The following IL4R variants were observed in gnomAD, a reference collection of about 807,000 sequenced individuals.
IL4R encodes the protein interleukin 4 receptor, also known as interleukin-4 receptor subunit alpha.
Under a neutral mutation model 41.5 loss-of-function variants are expected in IL4R, and 17 were observed. The ratio of observed to expected loss-of-function variants is 0.41; its 90% CI spans 0.28 to 0.61. The LOEUF is 0.61. IL4R is among the 20% of genes least tolerant of loss of function. IL4R has a pLI of 0.31. For missense variants in IL4R, 974 were observed against 1,043.1 expected (o/e 0.93, Z 0.91); for synonymous variants, 402 against 422.9 (o/e 0.95, Z 0.61).
chr16:27,352,912 G>A (rs3024612), intron 7 of IL4R, among the ~76,000 whole-genome samples: 129,017 of 152,162 alleles, frequency 0.85, 56,378 homozygotes, highest in Non-Finnish European at 0.95. Context: ...TTAACACTAT[G>A]GGAATATATT....
chr16:27,360,910 C>T, intron 10 of IL4R, 95 bp downstream of exon 10: 1 of 1,609,542 alleles, frequency 6.2e-7, no homozygotes, highest in Non-Finnish European at 8.5e-7. Flanking sequence ...CTTCTCTTCC[C>T]TGCATTCGGT....
chr16:27,327,184 T>A (rs2084979173), intron 1 of IL4R, among the ~76,000 whole-genome samples: 1 of 152,110 alleles, frequency 6.6e-6, no homozygotes, highest in Non-Finnish European at 1.5e-5. Flanking sequence ...CCTCTCCACA[T>A]GCCACCTGTC....
chr16:27,315,926 ATAACC>A (rs1466877876), intron 1 of IL4R, among the ~76,000 whole-genome samples: 1 of 152,200 alleles, frequency 6.6e-6, no homozygotes, highest in Admixed American at 6.5e-5. Flanking sequence ...CAGGTCCGAG[ATAACC>A]TAAGGGTTTC....
chr16:27,337,489 G>C (rs576214105), intron 2 of IL4R, among the ~76,000 whole-genome samples: 2 of 152,246 alleles, frequency 1.3e-5, no homozygotes, highest in East Asian at 3.8e-4. Context: ...TCCCAGGAGA[G>C]AGACCCAAGC....
At position 27,362,828 on chromosome 16, in the gene IL4R, A is replaced by G. The variant is rs745362323; in HGVS notation, c.1476A>G (p.Ala492=). The change falls in exon 11 of 11, where the codon GCA becomes GCG. Residue 492 remains alanine, a synonymous_variant. Coordinates refer to ENST00000395762, the MANE Select transcript of IL4R (RefSeq NM_000418.4). The part of the protein sequence containing the change: ...LTCTETPLVI[A]GNPAYRSFSN... The stretch of plus-strand genomic sequence containing the variant: ...GCACAGAGACGCCCCTCGTCATCGC[A>G]GGCAACCCTGCTTACCGCAGCTTCA... The G allele has an allele frequency of 6.2e-6, 10 of 1,614,112 alleles. No individual in the cohort carries two copies. Among genetic ancestry groups the G allele is most frequent in the Non-Finnish European group, 8.5e-6 (10 of 1,180,002 alleles).
intron 1 of IL4R, among the ~76,000 whole-genome samples, chr16:27,327,157 C>T (rs971426509): frequency 2.6e-5 from 4 of 152,126 alleles, no homozygotes; most frequent in Non-Finnish European, 4.4e-5. Flanking sequence ...ACCCGAGGCC[C>T]CTGCTGTCCC....
chr16:27,326,239 T>TG (rs2084952973), intron 1 of IL4R, among the ~76,000 whole-genome samples: 1 of 152,138 alleles, frequency 6.6e-6, no homozygotes, highest in African/African-American at 2.4e-5. Flanking sequence ...ACTTCTTCCT[T>TG]GCTCAAATAT....
intron 1 of IL4R, among the ~76,000 whole-genome samples, chr16:27,326,706 G>A (rs1340930304): frequency 6.6e-6 from 1 of 152,158 alleles, no homozygotes; most frequent in Non-Finnish European, 1.5e-5. Flanking sequence ...TGAGCAAGTG[G>A]GTGAGGATGG....
chr16:27,323,648 CTCAAGGGCTTCTTTT>C (rs1279278786), intron 1 of IL4R, among the ~76,000 whole-genome samples: 2 of 151,836 alleles, frequency 1.3e-5, no homozygotes, highest in African/African-American at 2.4e-5. Context: ...GTGAGTGAGG[CTCAAGGGCTTCTTTT>C]TTTTTTTTTA....
In IL4R at chr16:27,325,232, G is replaced by A. The variant is rs545528710; in HGVS notation, c.-151-4834G>A. Among the ~76,000 whole-genome samples, 199 of 152,026 alleles carry A rather than the reference G, an allele frequency of 1.3e-3. 1 individual carries two copies. The highest frequency in any genetic ancestry group is 4.6e-3 in the African/African-American group (189 of 41,494). ...TGCCCTCCCTCCTGCCTGCCTATTCGCTGGGTCTTCCCTCATTCCCTCCCT... is the reference window on the plus strand; with the variant it reads ...TGCCCTCCCTCCTGCCTGCCTATTCACTGGGTCTTCCCTCATTCCCTCCCT... On this transcript the variant is annotated intron_variant, in intron 1 of 10. Transcript: ENST00000395762.
chr16:27,361,083 G>T, intron 10 of IL4R: 1 of 1,350,252 alleles, frequency 7.4e-7, no homozygotes, highest in East Asian at 2.9e-5. Context: ...CGTGCCTGTT[G>T]TTAAAATCTT....
chr16:27,323,161 C>G (rs1236074159), intron 1 of IL4R, among the ~76,000 whole-genome samples: 1 of 152,216 alleles, frequency 6.6e-6, no homozygotes, highest in African/African-American at 2.4e-5. Context: ...TTACCTGTGC[C>G]CATGTGTTGT....
chr16:27,337,569 CTTTTTCTTTTTTTTTT>C (rs1486303313), intron 2 of IL4R, among the ~76,000 whole-genome samples: 2 of 150,376 alleles, frequency 1.3e-5, no homozygotes, highest in African/African-American at 4.9e-5. Context: ...TTCTTTTTTT[CTTTTTCTTTTTTTTTT>C]TTTTCTCTTT....
chr16:27,352,830 C>T (rs919168880), intron 7 of IL4R, 134 bp downstream of exon 7: 7 of 890,112 alleles, frequency 7.9e-6, no homozygotes, highest in Non-Finnish European at 1.1e-5. Context: ...CCATTAGATA[C>T]ACCTGCCGTG....
At chr16:27,359,732 C>T (rs1468907977) in intron 9 of IL4R, 4 of 446,656 alleles carry the variant, frequency 9.0e-6, no homozygotes, top group Non-Finnish European at 1.4e-5. Flanking sequence ...CCTGGTAGGA[C>T]AGATATTGGA....
chr16:27,353,478 G>T (rs2085950000), intron 7 of IL4R, among the ~76,000 whole-genome samples: 1 of 152,088 alleles, frequency 6.6e-6, no homozygotes, highest in Non-Finnish European at 1.5e-5. Context: ...AGTTCTAGGG[G>T]TAGCTCGCAT....
chr16:27,348,867 C>T (rs1340060491), intron 6 of IL4R, among the ~76,000 whole-genome samples: 1 of 152,176 alleles, frequency 6.6e-6, no homozygotes, highest in Middle Eastern at 3.2e-3. Context: ...GGAAGCAGGA[C>T]TGTGCTGGCT....
rs79539339 is a variant in IL4R at position 27,345,492 on chromosome 16, G to A, written c.361+472G>A. ...GTGGTGACAGGAGTTTAAAACATGC[G>A]TTGTATTCCAGTGATGCATGATATG... On this transcript the variant is annotated intron_variant, in intron 5 of 10. Transcript: ENST00000395762. The surrounding 1 kb of genome is among the most constrained non-coding windows in gnomAD (Gnocchi z 4.5). 3.1e-5 allele frequency: 9 copies of A among 288,122 alleles called. No individual in the cohort carries two copies. Among genetic ancestry groups the A allele is most frequent in the African/African-American group, 6.5e-5 (3 of 45,986 alleles). 17.8% of individuals were successfully genotyped at this position (288,122 alleles called of 1,614,324 possible).
At chr16:27,315,166 C>A (rs1477136333) in intron 1 of IL4R, among the ~76,000 whole-genome samples, 1 of 152,172 alleles carries the variant, frequency 6.6e-6, no homozygotes, top group Non-Finnish European at 1.5e-5. Context: ...CTATGAGGAG[C>A]CCAAGGCATT....
Sources: allele counts gnomAD v4.1 joint callset (sites outside exome capture counted in the v4.1 genomes callset), GRCh38; gene constraint gnomAD v4.1.1; non-coding constraint Gnocchi (gnomAD v3.1); transcripts MANE v1.5; gene names NCBI Gene and HGNC (gene_info 2026-07-23, HGNC 2026-07-21).